DACH2: variants seen among roughly 807,000 people sequenced by gnomAD.
DACH2 encodes the protein dachshund family transcription factor 2.
In DACH2, 17 loss-of-function variants were observed where a neutral mutation model predicts 35.8. That is an observed-to-expected ratio of 0.48 (90% confidence interval 0.33 to 0.71). The LOEUF is 0.71. DACH2 is among the 30% of genes least tolerant of loss of function. The pLI is 0.02. For missense variants in DACH2, 469 were observed against 472.7 expected (o/e 0.99, Z 0.07); for synonymous variants, 195 against 177.3 (o/e 1.10, Z -0.79).
At chrX:86,735,255 G>C (rs1380120335) in intron 6 of DACH2, among the ~76,000 whole-genome samples, 1 of 111,492 alleles carries the variant, frequency 9.0e-6, no homozygotes, top group Admixed American at 9.6e-5. Context: ...ATATTTCCAA[G>C]AATGTAAAAT....
chrX:86,282,463 A>C (rs1003782823), intron 1 of DACH2, among the ~76,000 whole-genome samples: 3 of 111,671 alleles, frequency 2.7e-5, no homozygotes, highest in African/African-American at 9.8e-5. Flanking sequence ...CAGAAAAAGG[A>C]AACTGGTCCC....
chrX:86,647,882 C>A (rs1309427339), intron 3 of DACH2, among the ~76,000 whole-genome samples: 1 of 110,337 alleles, frequency 9.1e-6, no homozygotes, highest in Non-Finnish European at 1.9e-5. Context: ...AATAACAAAT[C>A]AAATAACTTA....
chrX:86,317,052 G>A (rs749699575), intron 1 of DACH2, among the ~76,000 whole-genome samples: 4 of 106,505 alleles, frequency 3.8e-5, no homozygotes, highest in Admixed American at 1.0e-4. Flanking sequence ...GGGAGGCAGA[G>A]GTTGCAGTGA....
intron 2 of DACH2, among the ~76,000 whole-genome samples, chrX:86,482,234 T>G (rs1253567531): frequency 8.9e-6 from 1 of 112,414 alleles, no homozygotes; most frequent in African/African-American, 3.2e-5. Flanking sequence ...ATTGTATTCA[T>G]AAATTATAAC....
At chrX:86,182,061 G>C (rs1346969549) in intron 1 of DACH2, among the ~76,000 whole-genome samples, 1 of 111,699 alleles carries the variant, frequency 9.0e-6, no homozygotes, top group Non-Finnish European at 1.9e-5. Flanking sequence ...ATTTGTTTAA[G>C]TTCCTTGTAG....
intron 1 of DACH2, among the ~76,000 whole-genome samples, chrX:86,268,917 A>G (rs1223853629): frequency 2.7e-5 from 3 of 111,332 alleles, no homozygotes; most frequent in Non-Finnish European, 5.6e-5. Flanking sequence ...CATGCGATCT[A>G]TAATAATCAC....
At chrX:86,512,527 T>A (rs750489219) in intron 2 of DACH2, among the ~76,000 whole-genome samples, 1 of 111,947 alleles carries the variant, frequency 8.9e-6, no homozygotes, top group East Asian at 2.8e-4. Flanking sequence ...AGCATCAGGC[T>A]GCTTAGTTCT....
chrX:86,223,756 C>G (rs1179595435), intron 1 of DACH2, among the ~76,000 whole-genome samples: 1 of 111,954 alleles, frequency 8.9e-6, no homozygotes, highest in Non-Finnish European at 1.9e-5. Context: ...CAGTTTGTCT[C>G]CCTGACAGAG....
chrX:86,463,686 A>G (rs2037614628), intron 2 of DACH2, among the ~76,000 whole-genome samples: 1 of 111,930 alleles, frequency 8.9e-6, no homozygotes, highest in South Asian at 3.7e-4. Flanking sequence ...GGATCTAGTC[A>G]AACTAAAGAG....
At chrX:86,170,574 A>G (rs887464136) in intron 1 of DACH2, among the ~76,000 whole-genome samples, 2 of 111,518 alleles carry the variant, frequency 1.8e-5, no homozygotes, top group Non-Finnish European at 3.8e-5. Flanking sequence ...AGTCTTTCCC[A>G]TTCTTTTTGC....
intron 2 of DACH2, among the ~76,000 whole-genome samples, chrX:86,401,093 C>A (rs1052993926): frequency 8.9e-6 from 1 of 112,005 alleles, no homozygotes; most frequent in Non-Finnish European, 1.9e-5. Context: ...CGCTCCTCCC[C>A]CAGCCTCGCT....
intron 1 of DACH2, among the ~76,000 whole-genome samples, chrX:86,331,023 A>C (rs1212006570): frequency 9.0e-6 from 1 of 111,450 alleles, no homozygotes; most frequent in African/African-American, 3.3e-5. Flanking sequence ...TTTGGGGAAA[A>C]TGGGAAAGAA....
chrX:86,416,680 C>T lies in DACH2; in HGVS notation c.527+39818C>T, dbSNP rs747350191. Among the ~76,000 whole-genome samples, 11 of 111,280 alleles carry T rather than the reference C, an allele frequency of 9.9e-5. No homozygotes were observed. The South Asian group carries it at 4.2e-3, about 43-fold the overall frequency. On this transcript the variant is annotated intron_variant, in intron 2 of 11. Transcript: ENST00000373125. ...TGTATAAGAAGTGTGGTGCCAGCAT[C>T]GGCTTCTGTTGAGGGCTTCAGGAAG...
intron 2 of DACH2, among the ~76,000 whole-genome samples, chrX:86,404,534 A>T (rs1242850325): frequency 8.9e-6 from 1 of 112,425 alleles, no homozygotes; most frequent in Non-Finnish European, 1.9e-5. Context: ...GGTTATGCTG[A>T]TGCAAGAGGT....
intron 3 of DACH2, among the ~76,000 whole-genome samples, chrX:86,555,637 T>C (rs769066437): frequency 8.9e-6 from 1 of 111,754 alleles, no homozygotes; most frequent in Non-Finnish European, 1.9e-5. Context: ...TGTAAAATTG[T>C]GTTGGGTATC....
intron 2 of DACH2, among the ~76,000 whole-genome samples, chrX:86,482,121 A>C (rs1188050500): frequency 9.0e-6 from 1 of 111,641 alleles, no homozygotes; most frequent in Non-Finnish European, 1.9e-5. Context: ...AGAGTATTTT[A>C]CCTTTTAAAA....
At chrX:86,382,144 T>C (rs1394215663) in intron 2 of DACH2, among the ~76,000 whole-genome samples, 1 of 109,855 alleles carries the variant, frequency 9.1e-6, no homozygotes, top group Non-Finnish European at 1.9e-5. Context: ...TCTTTTCTTT[T>C]CTTTTTTTTC....
At chrX:86,527,745 A>G (rs1569429020) in intron 3 of DACH2, among the ~76,000 whole-genome samples, 1 of 111,824 alleles carries the variant, frequency 8.9e-6, no homozygotes, top group African/African-American at 3.2e-5. Context: ...TGGTGAGTGT[A>G]TGTCTATGTT....
intron 2 of DACH2, among the ~76,000 whole-genome samples, chrX:86,483,492 G>A (rs936623128): frequency 1.8e-5 from 2 of 111,136 alleles, no homozygotes; most frequent in Non-Finnish European, 3.8e-5. Context: ...ATCCCATAAG[G>A]AAAATGTAGC....
Sources: gnomAD v4.1 joint callset for allele counts (sites outside exome capture counted in the v4.1 genomes callset) on GRCh38, gnomAD v4.1.1 for gene constraint, MANE v1.5 for transcripts, NCBI Gene and HGNC (gene_info 2026-07-23, HGNC 2026-07-21) for gene names.